Variants in MYH15 observed in about 807,000 individuals in gnomAD.
MYH15 encodes myosin heavy chain 15.
Under a neutral mutation model 240.5 loss-of-function variants are expected in MYH15, and 227 were observed. The observed-to-expected ratio is 0.94, with a 90% CI of 0.85 to 1.05. The LOEUF (loss-of-function observed/expected upper bound fraction) is 1.05, where lower values mean the gene tolerates loss of function less well. MYH15 is among the 50% of genes least tolerant of loss of function. The pLI, the probability that MYH15 is intolerant of heterozygous loss-of-function variation, is 0.00. For missense variants in MYH15, 2,217 were observed against 2,247.5 expected (o/e 0.99, Z 0.27); for synonymous variants, 785 against 796.7 (o/e 0.99, Z 0.25).
intron 24 of MYH15, among the ~76,000 whole-genome samples, chr3:108,439,448 C>T (rs72939870): frequency 3.3e-5 from 5 of 152,156 alleles, no homozygotes; most frequent in Admixed American, 3.3e-4. Flanking sequence ...GGGGAAAAGC[C>T]AGTCACCTAG....
intron 25 of MYH15, among the ~76,000 whole-genome samples, chr3:108,431,860 T>G (rs532594074): frequency 6.6e-6 from 1 of 152,166 alleles, no homozygotes; most frequent in Non-Finnish European, 1.5e-5. Context: ...TAGTCTCAGA[T>G]GGAGATGAGG....
intron 11 of MYH15, among the ~76,000 whole-genome samples, chr3:108,482,818 C>T (rs1283103338): frequency 6.6e-6 from 1 of 152,102 alleles, no homozygotes; most frequent in African/African-American, 2.4e-5. Context: ...CCACACTAGA[C>T]AAGACAGGGA....
intron 4 of MYH15, 98 bp from the exon 5 acceptor site, chr3:108,499,580 G>C: frequency 2.6e-6 from 3 of 1,147,612 alleles, no homozygotes; most frequent in Non-Finnish European, 3.9e-6. Context: ...TTTGAAATCA[G>C]ACACAAGGGA....
At chr3:108,433,319 T>C (rs2082796764) in intron 25 of MYH15, among the ~76,000 whole-genome samples, 2 of 152,198 alleles carry the variant, frequency 1.3e-5, no homozygotes, top group Non-Finnish European at 1.5e-5. Context: ...CCATTGTGTC[T>C]AGGAAATAAC....
intron 1 of MYH15, among the ~76,000 whole-genome samples, chr3:108,522,395 T>C (rs1026199574): frequency 4.6e-5 from 7 of 152,110 alleles, no homozygotes; most frequent in Non-Finnish European, 1.0e-4. Flanking sequence ...GTGTTACTTC[T>C]TCTCTGGGTT....
intron 23 of MYH15, 114 bp downstream of exon 23, chr3:108,440,904 G>T: frequency 7.9e-7 from 1 of 1,268,336 alleles, no homozygotes; most frequent in Non-Finnish European, 1.1e-6. Flanking sequence ...ATGCTGTAAA[G>T]TTGCAGGCCA....
chr3:108,509,484 G>A (rs1479046347), intron 1 of MYH15, among the ~76,000 whole-genome samples: 3 of 152,156 alleles, frequency 2.0e-5, no homozygotes, highest in African/African-American at 7.2e-5. Context: ...TCCAATCACA[G>A]TCATGAATCC....
chr3:108,529,120 C>T, intron 1 of MYH15: 4 of 701,412 alleles, frequency 5.7e-6, no homozygotes, highest in East Asian at 3.0e-5. Context: ...TCAGAAATTA[C>T]ATCATAGCCT....
chr3:108,493,281 C>G (rs2083367398), intron 7 of MYH15, 104 bp from the exon 8 acceptor site: 2 of 658,978 alleles, frequency 3.0e-6, no homozygotes, highest in Non-Finnish European at 5.2e-6. Context: ...AAAAGGACTA[C>G]TTCCCCAGAA....
At position 108,380,582 on chromosome 3, in the gene MYH15, A is replaced by T. The variant is rs1484804609; in HGVS notation, c.*963T>A. 4 of 152,260 alleles carry T rather than the reference A, an allele frequency of 2.6e-5. No homozygotes were observed. The highest frequency in any genetic ancestry group is 5.9e-5 in the Non-Finnish European group (4 of 68,124). 9.4% of individuals were successfully genotyped at this position (152,260 alleles called of 1,614,324 possible). A position where few individuals can be genotyped will look rare whatever the true frequency, so the allele number is the denominator to read the frequency against. On this transcript the variant is annotated 3_prime_UTR_variant, in exon 41 of 41. Coordinates refer to ENST00000693548, the MANE Select transcript of MYH15 (RefSeq NM_014981.3). ...CCACTGCAATGCTGTGTGTGATCTC[A>T]GGAAAAGCTGATGCTGGTTGCCATG...
intron 33 of MYH15, chr3:108,404,776 G>C (rs182717757): frequency 3.9e-5 from 6 of 152,166 alleles, no homozygotes; most frequent in Non-Finnish European, 8.8e-5. Context: ...GTACAGGCAG[G>C]GGGTATGTGA....
chr3:108,538,281 T>C, the MYH15 span, among the ~76,000 whole-genome samples: 2 of 152,118 alleles, frequency 1.3e-5, no homozygotes, highest in Admixed American at 6.5e-5. Context: ...CTTTATTGTA[T>C]CTCTTGGCAA....
At chr3:108,417,824 C>T (rs2082646983) in intron 28 of MYH15, among the ~76,000 whole-genome samples, 1 of 146,840 alleles carries the variant, frequency 6.8e-6, no homozygotes, top group Non-Finnish European at 1.5e-5. Flanking sequence ...CACACACACA[C>T]ACATATACAC....
chr3:108,382,098 CTTCAACCTCCTGCAGCTGA>C (rs1165294055), intron 40 of MYH15, among the ~76,000 whole-genome samples: 2 of 152,170 alleles, frequency 1.3e-5, no homozygotes, highest in Admixed American at 1.3e-4. Context: ...TTTGAAGGCC[CTTCAACCTCCTGCAGCTGA>C]ATGCAATTGC....
At chr3:108,450,941 TTAAA>T (rs1457514651) in intron 21 of MYH15, among the ~76,000 whole-genome samples, 3 of 152,014 alleles carry the variant, frequency 2.0e-5, no homozygotes, top group African/African-American at 7.2e-5. Flanking sequence ...AAGTGATTTA[TTAAA>T]TAGACTAAAT....
At chr3:108,518,616 T>A (rs2083592437) in intron 1 of MYH15, among the ~76,000 whole-genome samples, 1 of 152,208 alleles carries the variant, frequency 6.6e-6, no homozygotes, top group African/African-American at 2.4e-5. Context: ...TCTCTCTTGC[T>A]GTCTCATCCC....
At chr3:108,431,388 G>A (rs1056135408) in intron 25 of MYH15, among the ~76,000 whole-genome samples, 8 of 152,148 alleles carry the variant, frequency 5.3e-5, no homozygotes, top group African/African-American at 1.7e-4. Context: ...TTGCTGTGCT[G>A]TTCTTGTGGT....
chr3:108,517,401 C>T (rs1046269811), intron 1 of MYH15, among the ~76,000 whole-genome samples: 1 of 152,074 alleles, frequency 6.6e-6, no homozygotes, highest in Non-Finnish European at 1.5e-5. Flanking sequence ...GGTGCAATCT[C>T]GGCTCACCGC....
At chr3:108,401,376 ACCGTC>A (rs1291700325) in intron 33 of MYH15, among the ~76,000 whole-genome samples, 6 of 83,006 alleles carry the variant, frequency 7.2e-5, no homozygotes, top group Non-Finnish European at 1.9e-4. Flanking sequence ...TGAAAATGTG[ACCGTC>A]TGCAAGCCAA....
Sources: gnomAD v4.1 joint callset for allele counts (sites outside exome capture counted in the v4.1 genomes callset) on GRCh38, gnomAD v4.1.1 for gene constraint, MANE v1.5 for transcripts, NCBI Gene and HGNC (gene_info 2026-07-23, HGNC 2026-07-21) for gene names.